Variants in RAB12 observed in about 807,000 individuals in gnomAD.
RAB12 encodes RAB12, member RAS oncogene family.
In RAB12, 11 loss-of-function variants were observed where a neutral mutation model predicts 28.4. That is an observed-to-expected ratio of 0.39 (90% CI 0.24 to 0.64). RAB12 has a LOEUF of 0.64. Ranked by LOEUF, RAB12 falls within the 30% of genes least tolerant of loss-of-function variation. The pLI, the probability that RAB12 is intolerant of heterozygous loss-of-function variation, is 0.50. For missense variants in RAB12, 276 were observed against 351.1 expected, an observed-to-expected ratio of 0.79 and a Z score of 1.71; for synonymous variants, 138 against 145.3, an observed-to-expected ratio of 0.95 and a Z score of 0.36.
chr18:8,615,656 G>A (rs542714025), intron 1 of RAB12, among the ~76,000 whole-genome samples: 1 of 152,338 alleles, frequency 6.6e-6, no homozygotes, highest in South Asian at 2.1e-4. Flanking sequence ...GCTGTGTGTT[G>A]TGTGATTAGG....
intron 1 of RAB12, among the ~76,000 whole-genome samples, chr18:8,622,668 T>C (rs1412435018): frequency 6.6e-6 from 1 of 152,214 alleles, no homozygotes; most frequent in Admixed American, 6.5e-5. Context: ...TAACATCTTA[T>C]CAGGAGACAG....
At chr18:8,610,568 T>G (rs969789826) in intron 1 of RAB12, among the ~76,000 whole-genome samples, 3 of 152,342 alleles carry the variant, frequency 2.0e-5, no homozygotes, top group South Asian at 4.1e-4. Flanking sequence ...ATTCCTCCAG[T>G]ACCGCTGTTT....
At chr18:8,613,812 T>C (rs2096005162) in intron 1 of RAB12, among the ~76,000 whole-genome samples, 1 of 149,146 alleles carries the variant, frequency 6.7e-6, no homozygotes. Context: ...AATGTAGTTG[T>C]CTGTGCCTAT....
In RAB12 at chr18:8,609,661, G is replaced by A. The variant is rs1361433502; in HGVS notation, c.222G>A (p.Gly74=). 1 of 851,716 alleles carries A rather than the reference G, an allele frequency of 1.2e-6. No homozygotes were observed. The highest frequency in any genetic ancestry group is 1.4e-6 in the Non-Finnish European group (1 of 710,640). The allele number at this position is 851,716 out of a possible 1,614,324, so 52.8% of individuals were successfully genotyped here. A position where few individuals can be genotyped will look rare whatever the true frequency, so the allele number is the denominator to read the frequency against. The part of the protein sequence containing the change: ...PRAAEAEGAP[G]PGARSRGAGG... ...CGGCGGAGGCCGAGGGGGCGCCGGGGCCCGGGGCGCGCAGCCGGGGGGCGG... is the reference window on the plus strand; with the variant it reads ...CGGCGGAGGCCGAGGGGGCGCCGGGACCCGGGGCGCGCAGCCGGGGGGCGG... Residue 74 remains glycine (G), a synonymous_variant, in exon 1 of 6, where the codon GGG becomes GGA. Coordinates refer to ENST00000649141, the MANE Select transcript of RAB12 (RefSeq NM_001025300.3).
chr18:8,612,030 G>A (rs2096004105), intron 1 of RAB12, among the ~76,000 whole-genome samples: 1 of 152,178 alleles, frequency 6.6e-6, no homozygotes, highest in Non-Finnish European at 1.5e-5. Context: ...CTTCAGAGTT[G>A]CTTTTCCCCT....
At chr18:8,624,853 TAAC>T in intron 1 of RAB12, 82 bp from the exon 2 acceptor site, 1 of 913,576 alleles carries the variant, frequency 1.1e-6, no homozygotes, top group Non-Finnish European at 1.7e-6. Flanking sequence ...CTGATAATGA[TAAC>T]AAAATACACA....
In RAB12 at chr18:8,610,014, C is replaced by T. The variant is rs761811568; in HGVS notation, c.514+61C>T. 7 of 1,338,984 alleles carry T rather than the reference C, an allele frequency of 5.2e-6. No homozygotes were observed. In the Admixed American group the frequency reaches 9.0e-5, roughly 17 times the overall value. 82.9% of individuals were successfully genotyped at this position (1,338,984 alleles called of 1,614,324 possible). A position where few individuals can be genotyped will look rare whatever the true frequency, so the allele number is the denominator to read the frequency against. On this transcript the variant is annotated intron_variant, in intron 1 of 5. Transcript: ENST00000649141. ...TGGCGCCCGGGCAGGTGCCCTTCGCCCCGTGGGCTTCGAGTCTCATCGAGC... is the reference window on the plus strand; with the variant it reads ...TGGCGCCCGGGCAGGTGCCCTTCGCTCCGTGGGCTTCGAGTCTCATCGAGC...
chr18:8,623,865 G>A (rs1202376147), intron 1 of RAB12, among the ~76,000 whole-genome samples: 1 of 152,230 alleles, frequency 6.6e-6, no homozygotes, highest in African/African-American at 2.4e-5. Context: ...GCCACACCCT[G>A]CCCCAGGGCT....
intron 1 of RAB12, among the ~76,000 whole-genome samples, chr18:8,622,363 C>T (rs1291519552): frequency 1.3e-5 from 2 of 152,110 alleles, no homozygotes; most frequent in Non-Finnish European, 1.5e-5. Context: ...CCCTAAGCGT[C>T]GGCCGGTTTG....
rs774469830 is a variant in RAB12, at chr18:8,610,009, T to C, written c.514+56T>C. On this transcript the variant is annotated intron_variant, in intron 1 of 5. Transcript: ENST00000649141. ...CCTCCTGGCGCCCGGGCAGGTGCCC[T>C]TCGCCCCGTGGGCTTCGAGTCTCAT... 8.6e-6 allele frequency: 12 copies of C among 1,388,754 alleles called. No individual in the cohort carries two copies. In the South Asian group the frequency reaches 1.3e-4, roughly 15 times the overall value. The allele number at this position is 1,388,754 out of a possible 1,614,324, so 86.0% of individuals were successfully genotyped here. A position where few individuals can be genotyped will look rare whatever the true frequency, so the allele number is the denominator to read the frequency against.
At chr18:8,622,128 T>C (rs2096010192) in intron 1 of RAB12, among the ~76,000 whole-genome samples, 1 of 152,184 alleles carries the variant, frequency 6.6e-6, no homozygotes, top group African/African-American at 2.4e-5. Context: ...GATTATCTGC[T>C]CTAGCTGTTT....
intron 1 of RAB12, among the ~76,000 whole-genome samples, chr18:8,618,313 A>AT (rs1259561617): frequency 1.3e-5 from 2 of 152,122 alleles, no homozygotes; most frequent in East Asian, 1.9e-4. Context: ...CTGGATAAGC[A>AT]TTTTTTTAAT....
chr18:8,618,187 T>G (rs565008601), intron 1 of RAB12, among the ~76,000 whole-genome samples: 10 of 152,224 alleles, frequency 6.6e-5, no homozygotes, highest in Admixed American at 3.3e-4. Flanking sequence ...CAAGGCTGTC[T>G]CCTTGTGCTT....
chr18:8,626,669 G>A (rs947552694), intron 2 of RAB12, among the ~76,000 whole-genome samples: 6 of 152,208 alleles, frequency 3.9e-5, no homozygotes, highest in Admixed American at 2.6e-4. Flanking sequence ...ATCCCCCTCG[G>A]GGAGAAAGTG....
chr18:8,638,026 A>G, intron 5 of RAB12, 123 bp from the exon 6 acceptor site: 1 of 623,720 alleles, frequency 1.6e-6, no homozygotes. Flanking sequence ...GGCAGGTGAA[A>G]CTTGTATTGA....
At chr18:8,614,211 C>A (rs2148706016) in intron 1 of RAB12, among the ~76,000 whole-genome samples, 1 of 152,226 alleles carries the variant, frequency 6.6e-6, no homozygotes, top group Non-Finnish European at 1.5e-5. Flanking sequence ...ACATAATTAT[C>A]CTATGGTATT....
At chr18:8,617,448 C>A (rs1451890935) in intron 1 of RAB12, among the ~76,000 whole-genome samples, 2 of 150,830 alleles carry the variant, frequency 1.3e-5, no homozygotes, top group African/African-American at 2.4e-5. Flanking sequence ...ACTGTTTGAT[C>A]ATGGTTTTTT....
At chr18:8,623,032 G>C (rs1415197141) in intron 1 of RAB12, among the ~76,000 whole-genome samples, 1 of 152,138 alleles carries the variant, frequency 6.6e-6, no homozygotes, top group African/African-American at 2.4e-5. Flanking sequence ...AAGGTGCCCA[G>C]ATTTCATGTT....
intron 1 of RAB12, among the ~76,000 whole-genome samples, chr18:8,624,062 GGCACCT>G (rs1167556276): frequency 6.6e-6 from 1 of 152,254 alleles, no homozygotes; most frequent in Non-Finnish European, 1.5e-5. Context: ...CACAAACATG[GGCACCT>G]GCTGGCCCGG....
Sources: allele counts gnomAD v4.1 joint callset (sites outside exome capture counted in the v4.1 genomes callset), GRCh38; gene constraint gnomAD v4.1.1; transcripts MANE v1.5; gene names NCBI Gene and HGNC (gene_info 2026-07-23, HGNC 2026-07-21).